Variants in ATE1 observed in about 807,000 individuals in gnomAD.
The protein encoded by ATE1 is arginyl-tRNA--protein transferase 1.
In ATE1, 36 loss-of-function variants were observed where a neutral mutation model predicts 70.5. The ratio of observed to expected loss-of-function variants is 0.51; its 90% CI spans 0.39 to 0.67. ATE1 has a LOEUF of 0.67. Ranked by LOEUF, ATE1 falls within the 30% of genes least tolerant of loss-of-function variation. The probability of loss-of-function intolerance (pLI) is 0.00; values close to 1 mark genes in which losing one functional copy is unlikely to be tolerated. For missense variants in ATE1, 593 were observed against 629.5 expected, an observed-to-expected ratio of 0.94 and a Z score of 0.62; for synonymous variants, 232 against 219.3, an observed-to-expected ratio of 1.06 and a Z score of -0.51.
intron 7 of ATE1, 117 bp from the exon 8 acceptor site, chr10:121,870,155 C>A: frequency 2.1e-6 from 2 of 947,256 alleles, no homozygotes; most frequent in South Asian, 1.6e-5. Flanking sequence ...AAAGTGAACC[C>A]AAAGATTATA....
intron 5 of ATE1, among the ~76,000 whole-genome samples, chr10:121,902,897 G>C (rs1462323571): frequency 6.6e-6 from 1 of 151,714 alleles, no homozygotes; most frequent in East Asian, 1.9e-4. Flanking sequence ...ACAGAGTCTC[G>C]CTCTGTCACC....
At chr10:121,832,055 C>T (rs756705573) in intron 10 of ATE1, among the ~76,000 whole-genome samples, 7 of 152,136 alleles carry the variant, frequency 4.6e-5, no homozygotes, top group East Asian at 1.9e-4. Context: ...CATGATCTTC[C>T]GCCACACACC....
intron 10 of ATE1, among the ~76,000 whole-genome samples, chr10:121,799,439 A>G (rs1336082331): frequency 4.0e-5 from 6 of 149,158 alleles, no homozygotes; most frequent in Admixed American, 6.9e-5. Flanking sequence ...GTTTAGGAAA[A>G]CAAAAAAAAA....
intron 8 of ATE1, among the ~76,000 whole-genome samples, chr10:121,860,275 T>C (rs1054251717): frequency 1.1e-4 from 16 of 152,304 alleles, no homozygotes; most frequent in African/African-American, 3.6e-4. Flanking sequence ...TTTAGGGGAA[T>C]GCTAAGAAAG....
At chr10:121,895,272 CGTGAAAT>C (rs1950735685) in intron 7 of ATE1, among the ~76,000 whole-genome samples, 2 of 152,132 alleles carry the variant, frequency 1.3e-5, no homozygotes, top group African/African-American at 4.8e-5. Context: ...AAAACGTGAA[CGTGAAAT>C]GTTCATAATA....
At chr10:121,885,567 CAAAAAAAAA>C (rs397826119) in intron 7 of ATE1, among the ~76,000 whole-genome samples, 1 of 96,096 alleles carries the variant, frequency 1.0e-5, no homozygotes, top group Non-Finnish European at 1.9e-5. Flanking sequence ...GACTCCGTCT[CAAAAAAAAA>C]AAAAAAAAAA....
intron 1 of ATE1, chr10:121,927,475 C>T (rs939539777): frequency 1.1e-5 from 11 of 985,160 alleles, no homozygotes; most frequent in Non-Finnish European, 1.3e-5. Flanking sequence ...CGCCCTCGCT[C>T]CCGGGACGCT....
At chr10:121,784,674 C>T (rs1946134905) in intron 11 of ATE1, among the ~76,000 whole-genome samples, 1 of 152,118 alleles carries the variant, frequency 6.6e-6, no homozygotes. Flanking sequence ...GCCTGGCCAA[C>T]ATGGTGAAAC....
intron 6 of ATE1, 144 bp from the exon 7 acceptor site, chr10:121,900,138 C>A: frequency 1.1e-6 from 1 of 882,946 alleles, no homozygotes; most frequent in Non-Finnish European, 1.6e-6. Context: ...AAAAACCAAC[C>A]AGTTAGTAAA....
In ATE1 at chr10:121,815,605, G is replaced by A. The variant is rs367624234; in HGVS notation, c.1257+21113C>T. Among the ~76,000 whole-genome samples the A allele has an allele frequency of 1.1e-4, 17 of 152,294 alleles. No homozygotes were observed. In the South Asian group the frequency reaches 2.1e-3, roughly 19 times the overall value. Reference sequence around the variant, plus strand: ...TGGTCCTGGGGTAATGAGTGAGTTCGTGGCTGCACAGGGTCATGAATTAGA... The same window carrying A: ...TGGTCCTGGGGTAATGAGTGAGTTCATGGCTGCACAGGGTCATGAATTAGA... On this transcript the variant is annotated intron_variant, in intron 10 of 11. Coordinates refer to ENST00000224652, the MANE Select transcript of ATE1 (RefSeq NM_001001976.3).
intron 11 of ATE1, among the ~76,000 whole-genome samples, chr10:121,750,630 CTT>C (rs1253975848): frequency 5.0e-5 from 3 of 59,762 alleles, no homozygotes. Flanking sequence ...ACTTCTCCTT[CTT>C]ATGGGGATTT....
At chr10:121,810,084 T>C (rs897197950) in intron 10 of ATE1, among the ~76,000 whole-genome samples, 2 of 152,160 alleles carry the variant, frequency 1.3e-5, no homozygotes, top group African/African-American at 4.8e-5. Context: ...ACAACTCTGC[T>C]ACGAATGTAT....
intron 7 of ATE1, among the ~76,000 whole-genome samples, chr10:121,883,631 C>T (rs991978226): frequency 1.3e-5 from 2 of 152,168 alleles, no homozygotes; most frequent in Admixed American, 6.5e-5. Context: ...GAACACAAGA[C>T]ATTTTGGGAA....
intron 10 of ATE1, among the ~76,000 whole-genome samples, chr10:121,813,982 A>G (rs956428694): frequency 1.3e-5 from 2 of 152,230 alleles, no homozygotes; most frequent in Non-Finnish European, 2.9e-5. Flanking sequence ...TCTTCAGCAG[A>G]GTCTATGGGA....
At position 121,841,264 on chromosome 10, in the gene ATE1, C is replaced by A; in HGVS notation, c.976-1G>T. The stretch of plus-strand genomic sequence containing the variant: ...CTGGCCCATTAGGGGGAGTCTCTGC[C>A]TAAGAAAAAGCAGAGGCACAAACAG... On this transcript the variant is annotated splice_acceptor_variant, in intron 8 of 11. Coordinates refer to ENST00000224652, the MANE Select transcript of ATE1 (RefSeq NM_001001976.3). LOFTEE classifies it high-confidence loss of function. 6.8e-7 allele frequency: 1 copy of A among 1,471,160 alleles called. No individual in the cohort carries two copies. The highest frequency in any genetic ancestry group is 1.6e-5 in the South Asian group (1 of 61,820). 91.1% of individuals were successfully genotyped at this position (1,471,160 alleles called of 1,614,324 possible). A position where few individuals can be genotyped will look rare whatever the true frequency, so the allele number is the denominator to read the frequency against.
chr10:121,807,461 T>C (rs1947141343), intron 10 of ATE1, among the ~76,000 whole-genome samples: 1 of 152,200 alleles, frequency 6.6e-6, no homozygotes, highest in African/African-American at 2.4e-5. Context: ...TATCCCAGTT[T>C]GGTAATACAT....
At chr10:121,877,130 C>T (rs983914639) in intron 7 of ATE1, among the ~76,000 whole-genome samples, 35 of 152,162 alleles carry the variant, frequency 2.3e-4, no homozygotes, top group Non-Finnish European at 2.1e-4. Context: ...GCATTCTGTA[C>T]TGATTTCAGA....
intron 7 of ATE1, among the ~76,000 whole-genome samples, chr10:121,885,160 C>T (rs1950342579): frequency 6.9e-6 from 1 of 145,960 alleles, no homozygotes; most frequent in Admixed American, 7.0e-5. Context: ...ACTCGGGAGA[C>T]TGAGGCACAA....
At chr10:121,883,239 A>G (rs1220533863) in intron 7 of ATE1, among the ~76,000 whole-genome samples, 1 of 152,136 alleles carries the variant, frequency 6.6e-6, no homozygotes, top group Non-Finnish European at 1.5e-5. Context: ...CTTATTGTTT[A>G]ATGACTATCT....
Sources: allele counts gnomAD v4.1 joint callset (sites outside exome capture counted in the v4.1 genomes callset), GRCh38; gene constraint gnomAD v4.1.1; transcripts MANE v1.5; gene names NCBI Gene and HGNC (gene_info 2026-07-23, HGNC 2026-07-21).